ST3GAL5: variants seen among roughly 807,000 people sequenced by gnomAD.
The protein encoded by ST3GAL5 is lactosylceramide alpha-2,3-sialyltransferase.
In ST3GAL5, 25 loss-of-function variants were observed where a neutral mutation model predicts 46.1. The observed-to-expected ratio is 0.54, with a 90% confidence interval of 0.40 to 0.76. The LOEUF (loss-of-function observed/expected upper bound fraction) is 0.76. Among genes scored for constraint, ST3GAL5 ranks in the 30% least tolerant of loss-of-function variants. The pLI, the probability that ST3GAL5 is intolerant of heterozygous loss-of-function variation, is 0.00. For missense variants in ST3GAL5, 431 were observed against 521.2 expected, an observed-to-expected ratio of 0.83 and a Z score of 1.69; for synonymous variants, 182 against 192.7, an observed-to-expected ratio of 0.94 and a Z score of 0.46.
At chr2:85,847,572 A>G in intron 4 of ST3GAL5, 1 of 1,184,368 alleles carries the variant, frequency 8.4e-7, no homozygotes, top group Non-Finnish European at 1.1e-6. Context: ...TCTAGAGGAG[A>G]AAGGTTGGTT....
intron 1 of ST3GAL5, among the ~76,000 whole-genome samples, chr2:85,885,787 T>C (rs544383983): frequency 4.7e-5 from 7 of 147,982 alleles, no homozygotes; most frequent in Admixed American, 3.4e-4. Context: ...ATCGTGCCAC[T>C]GCACTCCAGC....
intron 2 of ST3GAL5, among the ~76,000 whole-genome samples, chr2:85,862,388 C>T (rs1313256327): frequency 6.6e-6 from 1 of 152,092 alleles, no homozygotes; most frequent in Admixed American, 6.6e-5. Flanking sequence ...TTCACTGAGA[C>T]TCTTTAATAC....
rs1553410939 is a variant in ST3GAL5, at chr2:85,861,659, A to AAAG, written c.207-368_207-367insCTT. ...CTGTCAGTCCTTAAAAAAAAAAAAA[A>AAAG]AAAAGAAAAGAAAAGAAACAGTTTA... On this transcript the variant is annotated intron_variant, in intron 2 of 6. Coordinates refer to ENST00000638572, the MANE Select transcript of ST3GAL5 (RefSeq NM_003896.4). Among the ~76,000 whole-genome samples, 7 of 151,090 alleles carry AAAG rather than the reference A, an allele frequency of 4.6e-5. No homozygotes were observed. In the East Asian group the frequency reaches 7.7e-4, roughly 17 times the overall value.
At chr2:85,885,659 T>G (rs575749783) in intron 1 of ST3GAL5, among the ~76,000 whole-genome samples, 31 of 151,896 alleles carry the variant, frequency 2.0e-4, no homozygotes, top group Admixed American at 2.0e-3. Flanking sequence ...AAACCCTGTC[T>G]CTACTAAAAA....
intron 3 of ST3GAL5, among the ~76,000 whole-genome samples, chr2:85,856,864 C>T (rs1684169923): frequency 6.6e-6 from 1 of 151,274 alleles, no homozygotes; most frequent in African/African-American, 2.4e-5. Context: ...AGCCACCATG[C>T]CTGGCTGTAC....
At chr2:85,852,920 C>T (rs1308937806) in intron 3 of ST3GAL5, 14 of 1,304,196 alleles carry the variant, frequency 1.1e-5, no homozygotes, top group Middle Eastern at 2.1e-4. Context: ...AGAAAAGACT[C>T]GGTTTGAAGA....
chr2:85,847,514 T>A (rs1682938195), intron 4 of ST3GAL5: 5 of 1,067,346 alleles, frequency 4.7e-6, no homozygotes, highest in Non-Finnish European at 5.7e-6. Flanking sequence ...GCTTCCTGTG[T>A]CCCTCACTGT....
intron 3 of ST3GAL5, among the ~76,000 whole-genome samples, chr2:85,857,547 A>AG (rs1372241136): frequency 6.6e-6 from 1 of 151,454 alleles, no homozygotes; most frequent in East Asian, 1.9e-4. Context: ...AAAAAAAAAA[A>AG]AAAAAAAGAG....
At chr2:85,853,961 C>G (rs943100358) in intron 3 of ST3GAL5, 3 of 152,176 alleles carry the variant, frequency 2.0e-5, no homozygotes, top group African/African-American at 7.2e-5. Context: ...AAAAAATTCT[C>G]TAGTAACACA....
intron 4 of ST3GAL5, chr2:85,847,279 G>T: frequency 1.3e-6 from 1 of 776,692 alleles, no homozygotes; most frequent in Non-Finnish European, 1.6e-6. Flanking sequence ...CTCTTGCTGT[G>T]TCCTCTTCTT....
chr2:85,840,922 G>A (rs185106499), intron 6 of ST3GAL5, among the ~76,000 whole-genome samples: 5 of 103,214 alleles, frequency 4.8e-5, no homozygotes, highest in African/African-American at 7.8e-5. Flanking sequence ...CCACCCTGGC[G>A]ACAGAGCAAG....
intron 3 of ST3GAL5, chr2:85,851,606 C>A: frequency 7.8e-7 from 1 of 1,289,404 alleles, no homozygotes; most frequent in South Asian, 1.2e-5. Context: ...TAAGTTGAAC[C>A]GGCATCTGCT....
chr2:85,883,593 C>T (rs537233500), intron 1 of ST3GAL5, among the ~76,000 whole-genome samples: 5 of 152,128 alleles, frequency 3.3e-5, no homozygotes, highest in Non-Finnish European at 7.4e-5. Context: ...GCAGGTGCCT[C>T]GGGAGCAGGG....
At chr2:85,878,470 C>G (rs1686811859) in intron 1 of ST3GAL5, among the ~76,000 whole-genome samples, 1 of 152,152 alleles carries the variant, frequency 6.6e-6, no homozygotes, top group African/African-American at 2.4e-5. Context: ...TCTCAATTCT[C>G]CCAGGAATGA....
At chr2:85,851,279 C>T (rs1683473180) in intron 3 of ST3GAL5, 1 of 1,121,752 alleles carries the variant, frequency 8.9e-7, no homozygotes, top group Admixed American at 3.9e-5. Context: ...GACTGTGACC[C>T]CTCCTGCGCC....
At position 85,853,021 on chromosome 2, in the gene ST3GAL5, C is replaced by T. The variant is rs149473633; in HGVS notation, c.319-4817G>A. 546 of 1,303,726 alleles carry T rather than the reference C, an allele frequency of 4.2e-4. 5 individuals are homozygous for T. The highest frequency in any genetic ancestry group is 3.5e-3 in the African/African-American group (230 of 65,738). 80.8% of individuals were successfully genotyped at this position (1,303,726 alleles called of 1,614,324 possible). On this transcript the variant is annotated intron_variant, in intron 3 of 6. Coordinates refer to ENST00000638572, the MANE Select transcript of ST3GAL5 (RefSeq NM_003896.4). ...TAGGTCTGCAGAGTCCGAGAGAAGA[C>T]GATGAAGAAGCGGCTGAGTCCATCT...
intron 3 of ST3GAL5, 69 bp downstream of exon 3, chr2:85,861,112 A>G: frequency 9.5e-7 from 1 of 1,051,354 alleles, no homozygotes; most frequent in South Asian, 1.3e-5. Flanking sequence ...ACAGTAGACT[A>G]ATGATATTAT....
At position 85,839,129 on chromosome 2, in the gene ST3GAL5, A is replaced by G. The variant is rs561471886; in HGVS notation, c.*1015T>C. 1.3e-5 allele frequency: 2 copies of G among 152,202 alleles called. No homozygotes were observed. The highest frequency in any genetic ancestry group is 4.8e-5 in the African/African-American group (2 of 41,452). 9.4% of individuals were successfully genotyped at this position (152,202 alleles called of 1,614,324 possible). On this transcript the variant is annotated 3_prime_UTR_variant, in exon 7 of 7. Coordinates refer to ENST00000638572, the MANE Select transcript of ST3GAL5 (RefSeq NM_003896.4). ...GTAGATTCATAGACATAAGCACCCAAATTAACCAGACTACGAGAGTTCCTC... is the reference window on the plus strand; with the variant it reads ...GTAGATTCATAGACATAAGCACCCAGATTAACCAGACTACGAGAGTTCCTC...
Position 85,848,048 on chromosome 2 carries a change from C to G in ST3GAL5, c.475G>C (p.Asp159His). ...PKDSEAESKY[D>H]PPFGFRKFSS... ...AACTTCCGGAACCCAAAAGGAGGATCGTACTTGGACTCAGCTTCACTGTCT... is the reference window on the plus strand; with the variant it reads ...AACTTCCGGAACCCAAAAGGAGGATGGTACTTGGACTCAGCTTCACTGTCT... Residue 159 changes from aspartate (D) to histidine (H), a missense_variant, in exon 4 of 7, where the codon GAT (aspartate) becomes CAT (histidine). Coordinates refer to ENST00000638572, the MANE Select transcript of ST3GAL5 (RefSeq NM_003896.4). 1 of 1,614,172 alleles carries G rather than the reference C, an allele frequency of 6.2e-7. No individual in the cohort carries two copies. The highest frequency in any genetic ancestry group is 8.5e-7 in the Non-Finnish European group (1 of 1,180,028).
Sources: allele counts gnomAD v4.1 joint callset (sites outside exome capture counted in the v4.1 genomes callset), GRCh38; gene constraint gnomAD v4.1.1; transcripts MANE v1.5; gene names NCBI Gene and HGNC (gene_info 2026-07-23, HGNC 2026-07-21).